LHPP: variants seen among roughly 807,000 people sequenced by gnomAD.
LHPP encodes phospholysine phosphohistidine inorganic pyrophosphate phosphatase, also known as hLHPP.
A neutral mutation model predicts 30.3 loss-of-function variants in LHPP; 24 were observed. The observed-to-expected ratio is 0.79, with a 90% CI of 0.57 to 1.11. The LOEUF is 1.11. Among genes scored for constraint, LHPP ranks in the 50% most tolerant of loss-of-function variants. LHPP has a pLI of 0.00. For synonymous variants in LHPP, 150 were observed against 157.1 expected (o/e 0.95, Z 0.34); for missense variants, 356 against 367.2 (o/e 0.97, Z 0.25).
intron 6 of LHPP, among the ~76,000 whole-genome samples, chr10:124,535,528 C>T (rs779261314): frequency 3.9e-4 from 60 of 152,118 alleles, no homozygotes; most frequent in African/African-American, 1.1e-3. Context: ...CCCAAGTAGC[C>T]GGGACTATAG....
At chr10:124,512,182 CTG>C (rs1491423845) in intron 5 of LHPP, among the ~76,000 whole-genome samples, 4 of 152,200 alleles carry the variant, frequency 2.6e-5, no homozygotes, top group Non-Finnish European at 5.9e-5. Context: ...ACTGCCTGGC[CTG>C]GCACTGGCCT....
intron 6 of LHPP, among the ~76,000 whole-genome samples, chr10:124,538,166 C>T (rs937256294): frequency 3.3e-5 from 1 of 30,468 alleles, no homozygotes; most frequent in Non-Finnish European, 8.1e-5. Context: ...CCACGCGAGT[C>T]TCACCATGCA....
intron 6 of LHPP, among the ~76,000 whole-genome samples, chr10:124,586,709 G>A (rs1948807700): frequency 6.6e-6 from 1 of 152,198 alleles, no homozygotes; most frequent in Admixed American, 6.5e-5. Flanking sequence ...CAGAGGCCCC[G>A]AGGCGAGAAG....
intron 5 of LHPP, among the ~76,000 whole-genome samples, chr10:124,516,360 C>T (rs1371499283): frequency 2.0e-5 from 3 of 152,198 alleles, no homozygotes; most frequent in African/African-American, 7.2e-5. Flanking sequence ...CTCATTCGCC[C>T]TTAAAGAATT....
At chr10:124,563,555 G>A (rs1046255423) in intron 6 of LHPP, among the ~76,000 whole-genome samples, 12 of 152,038 alleles carry the variant, frequency 7.9e-5, no homozygotes, top group African/African-American at 2.7e-4. Context: ...AGCCTGAGGG[G>A]TCCTGGTGGT....
chr10:124,557,719 T>A (rs1011166394), intron 6 of LHPP, among the ~76,000 whole-genome samples: 1 of 152,016 alleles, frequency 6.6e-6, no homozygotes, highest in African/African-American at 2.4e-5. Flanking sequence ...TGCAGGGCCA[T>A]TGGTGGAGTC....
chr10:124,525,868 C>G (rs574156379), intron 6 of LHPP, among the ~76,000 whole-genome samples: 2 of 152,316 alleles, frequency 1.3e-5, no homozygotes, highest in South Asian at 4.1e-4. Flanking sequence ...AAAACCTGAA[C>G]CCCCCTGCTG....
At chr10:124,573,271 A>G (rs1168209594) in intron 6 of LHPP, among the ~76,000 whole-genome samples, 1 of 152,230 alleles carries the variant, frequency 6.6e-6, no homozygotes, top group African/African-American at 2.4e-5. Flanking sequence ...GTTACAACCA[A>G]GAAACTGACA....
intron 6 of LHPP, among the ~76,000 whole-genome samples, chr10:124,533,720 G>T (rs1225934488): frequency 6.6e-6 from 1 of 152,244 alleles, no homozygotes; most frequent in African/African-American, 2.4e-5. Context: ...CCAAGACACA[G>T]CCCAGCTTTG....
intron 6 of LHPP, among the ~76,000 whole-genome samples, chr10:124,591,250 C>T (rs1412219703): frequency 3.3e-5 from 5 of 152,140 alleles, no homozygotes; most frequent in Non-Finnish European, 7.3e-5. Context: ...GGAGAGGCCT[C>T]AGGGAGAAAA....
intron 6 of LHPP, among the ~76,000 whole-genome samples, chr10:124,604,028 C>A (rs55799518): frequency 6.6e-6 from 1 of 152,084 alleles, no homozygotes; most frequent in Non-Finnish European, 1.5e-5. Context: ...TGCCTCTTGA[C>A]CCCCAGGTCC....
rs867723925 is a variant in LHPP at position 124,519,244 on chromosome 10, G to A, written c.716+1973G>A. On this transcript the variant is annotated intron_variant, in intron 6 of 6. Coordinates refer to ENST00000368842, the MANE Select transcript of LHPP (RefSeq NM_022126.4). ...ATTATACGCGTGAGCCACCGCGCCC[G>A]GCCCCAGAGAGAGAAACTCCATCAA... Among the ~76,000 whole-genome samples the A allele has an allele frequency of 2.6e-5, 4 of 152,150 alleles. No homozygotes were observed. The South Asian group carries it at 6.2e-4, about 24-fold the overall frequency.
rs943831600 is a variant in LHPP, at chr10:124,476,935, C to T, written c.126-7204C>T. Among the ~76,000 whole-genome samples the T allele has an allele frequency of 6.6e-5, 10 of 152,280 alleles. No homozygotes were observed. In the South Asian group the frequency reaches 1.7e-3, roughly 25 times the overall value. ...TTAAAAACATTTCAAGGCCGGGTGC[C>T]GGTGGCTTACGCCTGTAATCCCAGC... On this transcript the variant is annotated intron_variant, in intron 1 of 6. Coordinates refer to ENST00000368842, the MANE Select transcript of LHPP (RefSeq NM_022126.4).
intron 6 of LHPP, among the ~76,000 whole-genome samples, chr10:124,568,611 C>G (rs10901763): frequency 6.6e-6 from 1 of 152,022 alleles, no homozygotes; most frequent in African/African-American, 2.4e-5. Context: ...GGAGGCTTAC[C>G]GTGCTGGACC....
At chr10:124,472,815 CCCAAA>C (rs1952825501) in intron 1 of LHPP, among the ~76,000 whole-genome samples, 3 of 152,210 alleles carry the variant, frequency 2.0e-5, no homozygotes, top group African/African-American at 7.2e-5. Context: ...GCCTCAGCTT[CCCAAA>C]GTGCTGGGAT....
intron 6 of LHPP, among the ~76,000 whole-genome samples, chr10:124,578,483 G>A (rs559703646): frequency 4.6e-5 from 7 of 152,370 alleles, no homozygotes; most frequent in South Asian, 4.1e-4. Flanking sequence ...GAGGTGGAGC[G>A]TCTGCTGTGA....
chr10:124,566,176 T>C (rs73369445), intron 6 of LHPP, among the ~76,000 whole-genome samples: 7,418 of 152,258 alleles, frequency 0.049, 554 homozygotes, highest in African/African-American at 0.17. Context: ...TCCAGTTACT[T>C]GAAGTGGGCC....
intron 2 of LHPP, 113 bp downstream of exon 2, chr10:124,484,439 C>T: frequency 9.6e-7 from 1 of 1,044,376 alleles, no homozygotes; most frequent in East Asian, 2.5e-5. Context: ...AGCTAGGCCA[C>T]CAACACTCAT....
At chr10:124,482,061 GT>G (rs1953154057) in intron 1 of LHPP, among the ~76,000 whole-genome samples, 2 of 152,206 alleles carry the variant, frequency 1.3e-5, no homozygotes, top group African/African-American at 4.8e-5. Flanking sequence ...CTGGGATTCA[GT>G]CCCTCACCCA....
Sources: gnomAD v4.1 joint callset for allele counts (sites outside exome capture counted in the v4.1 genomes callset) on GRCh38, gnomAD v4.1.1 for gene constraint, MANE v1.5 for transcripts, NCBI Gene and HGNC (gene_info 2026-07-23, HGNC 2026-07-21) for gene names.